The following IL31RA variants were observed in gnomAD, a reference collection of about 807,000 sequenced individuals.
IL31RA encodes the protein interleukin-31 receptor subunit alpha.
IL31RA carries 66 observed loss-of-function variants against 83.7 expected under a neutral mutation model. The ratio of observed to expected loss-of-function variants is 0.79; its 90% confidence interval spans 0.65 to 0.97. IL31RA has a LOEUF of 0.97. Ranked by LOEUF, IL31RA falls within the 50% of genes least tolerant of loss-of-function variation. The pLI is 0.00. For synonymous variants in IL31RA, 325 were observed against 329.0 expected (o/e 0.99, Z 0.13); for missense variants, 798 against 919.4 (o/e 0.87, Z 1.71).
chr5:55,921,373 C>A lies in IL31RA; in HGVS notation c.*4253C>A, dbSNP rs904793652. ...CATTTTGAACATCCATGAAAAACCCCATGGCGGGCCTGCATGGTGTGGTTT... is the reference window on the plus strand; with the variant it reads ...CATTTTGAACATCCATGAAAAACCCAATGGCGGGCCTGCATGGTGTGGTTT... On this transcript the variant is annotated 3_prime_UTR_variant, in exon 15 of 15. Transcript: ENST00000652347. 6.6e-6 allele frequency among the ~76,000 whole-genome samples: 1 copy of A among 152,202 alleles called. No homozygotes were observed. Among genetic ancestry groups the A allele is most frequent in the African/African-American group, 2.4e-5 (1 of 41,446 alleles).
chr5:55,851,643 G>A lies in IL31RA; in HGVS notation c.63+10G>A. On this transcript the variant is annotated intron_variant, in intron 1 of 14. Coordinates refer to ENST00000652347, the MANE Select transcript of IL31RA (RefSeq NM_139017.7). Reference sequence around the variant, plus strand: ...ATGTCCGCAAAACATTGTGAGTATTGATTTGGGGGGTTACAAATAATTCCT... The same window carrying A: ...ATGTCCGCAAAACATTGTGAGTATTAATTTGGGGGGTTACAAATAATTCCT... The A allele has an allele frequency of 1.2e-6, 2 of 1,613,846 alleles. No homozygotes were observed. The highest frequency in any genetic ancestry group is 1.7e-6 in the Non-Finnish European group (2 of 1,179,812).
intron 13 of IL31RA, among the ~76,000 whole-genome samples, chr5:55,914,065 A>C (rs161703): frequency 0.78 from 119,400 of 152,106 alleles, 46,928 homozygotes; most frequent in East Asian, 0.82. Context: ...GGGGCCTTTA[A>C]CCTGCTTGCC....
In IL31RA at chr5:55,917,286, G is replaced by C. The variant is rs1262030891; in HGVS notation, c.*166G>C. ...AGTTGAACTTGGTCGGCAAAGATGC[G>C]ACCTTGTACTGGGAAGAAGGGATGG... On this transcript the variant is annotated 3_prime_UTR_variant, in exon 15 of 15. Transcript: ENST00000652347. The C allele has an allele frequency of 6.5e-7, 1 of 1,531,024 alleles. No individual in the cohort carries two copies. Among genetic ancestry groups the C allele is most frequent in the Admixed American group, 2.0e-5 (1 of 49,980 alleles). The allele number at this position is 1,531,024 out of a possible 1,614,324, so 94.8% of individuals were successfully genotyped here.
At chr5:55,867,166 T>TGTGC (rs1746148127) in intron 2 of IL31RA, among the ~76,000 whole-genome samples, 1 of 75,138 alleles carries the variant, frequency 1.3e-5, no homozygotes, top group Non-Finnish European at 2.8e-5. Context: ...TTTGTGTGTG[T>TGTGC]GCATGTGTGT....
At chr5:55,847,960 T>C (rs1744974579), upstream of IL31RA, among the ~76,000 whole-genome samples, 1 of 152,244 alleles carries the variant, frequency 6.6e-6, no homozygotes, top group South Asian at 2.1e-4. Context: ...TCCTCATTAC[T>C]AGACTGGGCT....
intron 8 of IL31RA, 125 bp from the exon 9 acceptor site, chr5:55,905,981 G>T: frequency 1.1e-6 from 1 of 909,300 alleles, no homozygotes; most frequent in South Asian, 1.3e-5. Flanking sequence ...CATCCGGGGA[G>T]GCTGCAGTGG....
chr5:55,900,087 A>C lies in IL31RA; in HGVS notation c.1024A>C (p.Lys342Gln). ...VSMISYNSLG[K>Q]SPVATLRIPA... ...TATGATTTCTTATAATTCTCTTGGG[A>C]AGTCTCCAGTGGCCACCCTGAGGAT... Residue 342 changes from lysine (K) to glutamine (Q), a missense_variant, in exon 8 of 15, where the codon AAG becomes CAG. Coordinates refer to ENST00000652347, the MANE Select transcript of IL31RA (RefSeq NM_139017.7). 6.2e-7 allele frequency: 1 copy of C among 1,614,140 alleles called. No homozygotes were observed. Among genetic ancestry groups the C allele is most frequent in the Non-Finnish European group, 8.5e-7 (1 of 1,179,984 alleles).
At chr5:55,914,044 G>T (rs74425106) in intron 13 of IL31RA, among the ~76,000 whole-genome samples, 7,731 of 152,274 alleles carry the variant, frequency 0.051, 402 homozygotes, top group African/African-American at 0.13. Flanking sequence ...AGTGTTGAGG[G>T]TCTGGCTGCA....
chr5:55,916,534 T>C, intron 14 of IL31RA, 110 bp from the exon 15 acceptor site: 1 of 891,306 alleles, frequency 1.1e-6, no homozygotes, highest in Non-Finnish European at 1.9e-6. Flanking sequence ...GGGAGGAAGG[T>C]GGGGGCTGTT....
chr5:55,898,046 G>T (rs577032746), intron 7 of IL31RA, among the ~76,000 whole-genome samples: 1 of 152,190 alleles, frequency 6.6e-6, no homozygotes, highest in Non-Finnish European at 1.5e-5. Context: ...CGGTGCTGCC[G>T]CCGCATGGGA....
chr5:55,893,281 T>C (rs1463440727), intron 6 of IL31RA, among the ~76,000 whole-genome samples: 1 of 152,228 alleles, frequency 6.6e-6, no homozygotes, highest in Non-Finnish European at 1.5e-5. Flanking sequence ...AGTAACATTA[T>C]TGCTGTATCT....
Position 55,871,371 on chromosome 5 carries a change from C to T in IL31RA, c.273-899C>T, listed in dbSNP as rs572619466. Among the ~76,000 whole-genome samples, 6 of 152,310 alleles carry T rather than the reference C, an allele frequency of 3.9e-5. No individual in the cohort carries two copies. In the South Asian group the frequency reaches 1.2e-3, roughly 32 times the overall value. On this transcript the variant is annotated intron_variant, in intron 3 of 14. Transcript: ENST00000652347. ...GTGTATATGTCTTCCCACACACCAG[C>T]AAACACTGGTACCTTGCAAGGTGGG...
intron 6 of IL31RA, among the ~76,000 whole-genome samples, chr5:55,893,986 C>G (rs1031955898): frequency 6.6e-6 from 1 of 151,854 alleles, no homozygotes; most frequent in African/African-American, 2.4e-5. Flanking sequence ...TGCCTATGGG[C>G]TAAATCCAAG....
chr5:55,895,479 A>G (rs1748275914), intron 6 of IL31RA, among the ~76,000 whole-genome samples: 1 of 152,178 alleles, frequency 6.6e-6, no homozygotes, highest in Non-Finnish European at 1.5e-5. Flanking sequence ...TCATCCCTAT[A>G]TGGTTAGATC....
intron 5 of IL31RA, among the ~76,000 whole-genome samples, chr5:55,884,893 A>G (rs1162447456): frequency 3.9e-5 from 6 of 152,150 alleles, no homozygotes; most frequent in African/African-American, 1.4e-4. Context: ...CTTATCTATC[A>G]TTCCAGCCTA....
chr5:55,879,748 T>C (rs1163879182), intron 4 of IL31RA, among the ~76,000 whole-genome samples: 1 of 151,630 alleles, frequency 6.6e-6, no homozygotes. Context: ...TTTTTTTTTT[T>C]TTCAATGTTT....
intron 4 of IL31RA, among the ~76,000 whole-genome samples, chr5:55,876,488 C>T (rs2112405451): frequency 6.6e-6 from 1 of 152,266 alleles, no homozygotes; most frequent in South Asian, 2.1e-4. Context: ...AAACCTTTTT[C>T]ACAGATAATG....
At chr5:55,913,265 T>A (rs1749603308) in intron 12 of IL31RA, among the ~76,000 whole-genome samples, 1 of 152,086 alleles carries the variant, frequency 6.6e-6, no homozygotes, top group South Asian at 2.1e-4. Context: ...TAATTTTTTG[T>A]ATCTTTAGTA....
intron 2 of IL31RA, among the ~76,000 whole-genome samples, chr5:55,865,560 G>T (rs1472988648): frequency 6.6e-6 from 1 of 152,080 alleles, no homozygotes; most frequent in Non-Finnish European, 1.5e-5. Flanking sequence ...ACAAAACAAT[G>T]AATGCTACCC....
Sources: gnomAD v4.1 joint callset for allele counts (sites outside exome capture counted in the v4.1 genomes callset) on GRCh38, gnomAD v4.1.1 for gene constraint, MANE v1.5 for transcripts, NCBI Gene and HGNC (gene_info 2026-07-23, HGNC 2026-07-21) for gene names.